Variants in ANK3 observed in about 807,000 individuals in gnomAD.
ANK3 encodes ankyrin-3.
Under a neutral mutation model 370.9 loss-of-function variants are expected in ANK3, and 57 were observed. The observed-to-expected ratio is 0.15, with a 90% confidence interval of 0.12 to 0.19. The LOEUF (loss-of-function observed/expected upper bound fraction) is 0.19, where lower values mean the gene tolerates loss of function less well. ANK3 is among the 10% of genes least tolerant of loss of function. The pLI is 1.00. For missense variants in ANK3, 4,439 were observed against 5,302.1 expected, an observed-to-expected ratio of 0.84 and a Z score of 5.06; for synonymous variants, 1,929 against 1,946.3, an observed-to-expected ratio of 0.99 and a Z score of 0.23.
intron 2 of ANK3, among the ~76,000 whole-genome samples, chr10:60,514,615 AAAAC>A (rs2076170977): frequency 6.6e-6 from 1 of 152,138 alleles, no homozygotes; most frequent in South Asian, 2.1e-4. Context: ...TTTGAAATCT[AAAAC>A]AAATAGGAAA....
At position 60,073,771 on chromosome 10, in the gene ANK3, A is replaced by G; in HGVS notation, c.7110T>C (p.Ile2370=). ...TTTCTGGCAGAAAATCTTTTAGGTTAATATCTCCCCGGGATAAGTCTTTCT... is the reference window on the plus strand; with the variant it reads ...TTTCTGGCAGAAAATCTTTTAGGTTGATATCTCCCCGGGATAAGTCTTTCT... The part of the protein sequence containing the change: ...VYQKDLSRGD[I]NLKDFLPEKH... The change falls in exon 37 of 44, where the codon ATT becomes ATC. Residue 2370 remains isoleucine (I), a synonymous_variant. Transcript: ENST00000280772. The G allele has an allele frequency of 6.2e-7, 1 of 1,613,778 alleles. No homozygotes were observed. The highest frequency in any genetic ancestry group is 8.5e-7 in the Non-Finnish European group (1 of 1,179,990).
At chr10:60,249,446 C>G (rs2097610379) in intron 7 of ANK3, among the ~76,000 whole-genome samples, 1 of 152,162 alleles carries the variant, frequency 6.6e-6, no homozygotes, top group African/African-American at 2.4e-5. Context: ...AAACCTGGAA[C>G]TAAATTAATT....
intron 28 of ANK3, among the ~76,000 whole-genome samples, chr10:60,088,906 A>G (rs1292596419): frequency 1.3e-5 from 2 of 152,200 alleles, no homozygotes; most frequent in Admixed American, 6.5e-5. Context: ...AAGAACTGAC[A>G]TTTTGCCACC....
At chr10:60,042,540 TC>T in intron 43 of ANK3, 131 bp downstream of exon 43, 1 of 915,142 alleles carries the variant, frequency 1.1e-6, no homozygotes, top group Non-Finnish European at 1.6e-6. Flanking sequence ...TTGAACAACT[TC>T]GTATTTGATT....
upstream of ANK3, among the ~76,000 whole-genome samples, chr10:60,390,957 G>A (rs561690141): frequency 2.6e-5 from 4 of 152,178 alleles, no homozygotes; most frequent in African/African-American, 9.7e-5. Flanking sequence ...GTGAGGATTT[G>A]GTTGGGGTTC....
intron 6 of ANK3, 60 bp downstream of exon 6, chr10:60,263,775 A>AAAGGTTGTG: frequency 6.3e-7 from 1 of 1,597,440 alleles, no homozygotes; most frequent in South Asian, 1.1e-5. Flanking sequence ...GGGTGCTCTT[A>AAAGGTTGTG]AAGGTTGTGT....
chr10:60,388,173 A>G (rs914215267), intron 1 of ANK3, among the ~76,000 whole-genome samples: 2 of 152,194 alleles, frequency 1.3e-5, no homozygotes, highest in Admixed American at 6.5e-5. Context: ...TTTTTATGAA[A>G]ATATATTCAA....
chr10:60,329,158 C>A (rs2050608858), intron 1 of ANK3, among the ~76,000 whole-genome samples: 1 of 152,164 alleles, frequency 6.6e-6, no homozygotes, highest in African/African-American at 2.4e-5. Context: ...CTATCTATGA[C>A]AAACCCACAG....
At chr10:60,049,211 C>T (rs548828238) in intron 42 of ANK3, among the ~76,000 whole-genome samples, 4 of 152,176 alleles carry the variant, frequency 2.6e-5, no homozygotes, top group Admixed American at 1.3e-4. Flanking sequence ...GTGAATGATC[C>T]TATTGTTTAT....
At chr10:60,272,312 CAAGAA>C (rs200536724) in intron 4 of ANK3, among the ~76,000 whole-genome samples, 32 of 152,080 alleles carry the variant, frequency 2.1e-4, no homozygotes, top group South Asian at 6.2e-4. Context: ...AGCAACAAAA[CAAGAA>C]AAGAAAAGAA....
At chr10:60,733,146 G>A in intron 1 of ANK3, 1 of 870,674 alleles carries the variant, frequency 1.1e-6, no homozygotes, top group Non-Finnish European at 1.5e-6. Flanking sequence ...GCGCCGCCTG[G>A]CACCCCCAGG....
At chr10:60,633,349 A>G (rs1403914917) in intron 1 of ANK3, among the ~76,000 whole-genome samples, 1 of 152,204 alleles carries the variant, frequency 6.6e-6, no homozygotes, top group South Asian at 2.1e-4. Flanking sequence ...GACTTCCTTA[A>G]AGTTATTTTT....
chr10:60,598,409 G>C (rs961005431), intron 2 of ANK3, among the ~76,000 whole-genome samples: 2 of 152,106 alleles, frequency 1.3e-5, no homozygotes, highest in Admixed American at 1.3e-4. Flanking sequence ...TACCTATCTT[G>C]CCTACTTTAT....
chr10:60,361,775 G>A (rs1311474066), intron 1 of ANK3, among the ~76,000 whole-genome samples: 1 of 152,126 alleles, frequency 6.6e-6, no homozygotes, highest in Non-Finnish European at 1.5e-5. Flanking sequence ...GAAGAGAAAG[G>A]TCGTTAATCC....
chr10:60,510,665 A>G (rs1176633180), intron 2 of ANK3, among the ~76,000 whole-genome samples: 1 of 151,954 alleles, frequency 6.6e-6, no homozygotes, highest in Non-Finnish European at 1.5e-5. Context: ...AAATATATTA[A>G]AAAATTCAGC....
intron 36 of ANK3, among the ~76,000 whole-genome samples, chr10:60,079,209 A>ACACACACACAC (rs2084568645): frequency 6.6e-6 from 1 of 150,606 alleles, no homozygotes; most frequent in Non-Finnish European, 1.5e-5. Context: ...ACACACACAC[A>ACACACACACAC]CACACACACA....
intron 2 of ANK3, among the ~76,000 whole-genome samples, chr10:60,460,594 G>A (rs1347279346): frequency 1.3e-5 from 2 of 152,074 alleles, no homozygotes; most frequent in South Asian, 2.1e-4. Flanking sequence ...CTGAATTTAT[G>A]TTAAATTTAT....
chr10:60,232,618 T>A (rs542349414), intron 8 of ANK3, among the ~76,000 whole-genome samples: 1 of 152,292 alleles, frequency 6.6e-6, no homozygotes, highest in African/African-American at 2.4e-5. Flanking sequence ...CTTTCTTCCC[T>A]TTTCCTATTT....
At chr10:60,046,963 T>C (rs1233116937) in intron 42 of ANK3, among the ~76,000 whole-genome samples, 3 of 152,098 alleles carry the variant, frequency 2.0e-5, no homozygotes, top group Middle Eastern at 3.4e-3. Context: ...CCCGCCACCA[T>C]GCCTGGCTAA....
Sources: gnomAD v4.1 joint callset for allele counts (sites outside exome capture counted in the v4.1 genomes callset) on GRCh38, gnomAD v4.1.1 for gene constraint, MANE v1.5 for transcripts, NCBI Gene and HGNC (gene_info 2026-07-23, HGNC 2026-07-21) for gene names.